IRAK1BP1: variants seen among roughly 807,000 people sequenced by gnomAD.
The protein encoded by IRAK1BP1 is interleukin 1 receptor associated kinase 1 binding protein 1.
A neutral mutation model predicts 28.0 loss-of-function variants in IRAK1BP1; 24 were observed. The ratio of observed to expected loss-of-function variants is 0.86; its 90% CI spans 0.62 to 1.20. The LOEUF is 1.20. Among genes scored for constraint, IRAK1BP1 ranks in the 50% most tolerant of loss-of-function variants. IRAK1BP1 has a pLI of 0.00. For synonymous variants in IRAK1BP1, 131 were observed against 116.3 expected (o/e 1.13, Z -0.81); for missense variants, 336 against 316.7 (o/e 1.06, Z -0.46).
chr6:78,897,723 A>G, intron 2 of IRAK1BP1, 106 bp from the exon 3 acceptor site: 1 of 861,430 alleles, frequency 1.2e-6, no homozygotes, highest in Non-Finnish European at 1.7e-6. Flanking sequence ...GTTACATACT[A>G]TAAAATGACC....
downstream of IRAK1BP1, among the ~76,000 whole-genome samples, chr6:78,949,043 G>A (rs948612118): frequency 6.6e-6 from 1 of 152,120 alleles, no homozygotes; most frequent in Non-Finnish European, 1.5e-5. Flanking sequence ...TGGTGAGAGT[G>A]AACATTTTTC....
chr6:78,878,262 C>T (rs1948326814), intron 1 of IRAK1BP1, among the ~76,000 whole-genome samples: 1 of 152,148 alleles, frequency 6.6e-6, no homozygotes. Flanking sequence ...CAACTGACAC[C>T]TCATACGTCT....
rs114991057 is a variant in IRAK1BP1 at position 78,888,323 on chromosome 6, G to A, written c.381+2880G>A. ...TGTTGTGCACTTAAAAATTTGTTAA[G>A]AGGGTAGATCTCATGTTGTGTTGTT... On this transcript the variant is annotated intron_variant, in intron 2 of 3. Coordinates refer to ENST00000369940, the MANE Select transcript of IRAK1BP1 (RefSeq NM_001010844.4). 4.1e-3 allele frequency among the ~76,000 whole-genome samples: 626 copies of A among 152,200 alleles called. 4 individuals carry two copies. The highest frequency in any genetic ancestry group is 0.041 in the Middle Eastern group (12 of 294).
chr6:78,954,522 C>CA, the IRAK1BP1 span, among the ~76,000 whole-genome samples: 5 of 149,406 alleles, frequency 3.3e-5, no homozygotes, highest in African/African-American at 7.4e-5. Flanking sequence ...GTAGGGAAGA[C>CA]AAAAAAAGAA....
At chr6:78,973,220 A>T in the IRAK1BP1 span, among the ~76,000 whole-genome samples, 1 of 152,100 alleles carries the variant, frequency 6.6e-6, no homozygotes, top group Non-Finnish European at 1.5e-5. Flanking sequence ...GGGGGCCAAT[A>T]TTCAACATTC....
intron 1 of IRAK1BP1, among the ~76,000 whole-genome samples, chr6:78,882,035 A>G (rs1443870951): frequency 6.6e-6 from 1 of 152,160 alleles, no homozygotes; most frequent in Non-Finnish European, 1.5e-5. Flanking sequence ...GCATATATAT[A>G]TGTAACCTAG....
intron 4 of IRAK1BP1, among the ~76,000 whole-genome samples, chr6:78,944,810 A>G (rs1375923861): frequency 1.3e-5 from 2 of 152,192 alleles, no homozygotes; most frequent in Non-Finnish European, 2.9e-5. Context: ...GTCACATGGC[A>G]TATTTTATTA....
chr6:78,928,403 T>C (rs1772948245), intron 4 of IRAK1BP1, among the ~76,000 whole-genome samples: 1 of 152,096 alleles, frequency 6.6e-6, no homozygotes, highest in Non-Finnish European at 1.5e-5. Flanking sequence ...TCAGTTTTAA[T>C]AGTTTTTGTG....
chr6:78,942,075 G>A (rs566874173), intron 4 of IRAK1BP1, among the ~76,000 whole-genome samples: 1 of 152,294 alleles, frequency 6.6e-6, no homozygotes, highest in East Asian at 1.9e-4. Flanking sequence ...TATGGTAGGT[G>A]ATTTGCAATG....
At chr6:78,877,608 G>T (rs1029192026) in intron 1 of IRAK1BP1, among the ~76,000 whole-genome samples, 1 of 152,168 alleles carries the variant, frequency 6.6e-6, no homozygotes, top group Non-Finnish European at 1.5e-5. Flanking sequence ...CTGAGGTACT[G>T]GGTTCATCTC....
intron 4 of IRAK1BP1, among the ~76,000 whole-genome samples, chr6:78,927,845 C>T (rs947538873): frequency 2.0e-5 from 3 of 151,880 alleles, no homozygotes; most frequent in Admixed American, 6.6e-5. Context: ...GTTCACTGTA[C>T]GTGTGTGGAT....
chr6:78,978,567 G>A, the IRAK1BP1 span: 21 of 1,545,056 alleles, frequency 1.4e-5, no homozygotes, highest in Non-Finnish European at 1.6e-5. Context: ...GAGGAAAAAT[G>A]GATAATTTAA....
chr6:78,896,681 T>A (rs1345421854), intron 2 of IRAK1BP1, among the ~76,000 whole-genome samples: 3 of 151,904 alleles, frequency 2.0e-5, no homozygotes, highest in Non-Finnish European at 4.4e-5. Flanking sequence ...TATAATTCAC[T>A]AGGCATGGTG....
At chr6:78,879,936 T>C (rs781539469) in intron 1 of IRAK1BP1, among the ~76,000 whole-genome samples, 1 of 152,090 alleles carries the variant, frequency 6.6e-6, no homozygotes, top group Non-Finnish European at 1.5e-5. Flanking sequence ...AAAGTACATA[T>C]TGAGTCTGAA....
chr6:78,935,386 A>G, intron 4 of IRAK1BP1: 1 of 426,144 alleles, frequency 2.3e-6, no homozygotes, highest in Non-Finnish European at 3.1e-6. Context: ...CTTAGTCAAT[A>G]AAAATGCATG....
At chr6:78,922,227 A>G (rs1772755073) in intron 4 of IRAK1BP1, among the ~76,000 whole-genome samples, 1 of 152,222 alleles carries the variant, frequency 6.6e-6, no homozygotes, top group Non-Finnish European at 1.5e-5. Flanking sequence ...AGAAGTCCTT[A>G]AAGGACCTGA....
the IRAK1BP1 span, among the ~76,000 whole-genome samples, chr6:78,971,571 G>A: frequency 2.0e-5 from 3 of 152,194 alleles, no homozygotes; most frequent in Non-Finnish European, 4.4e-5. Context: ...CTCCCAGCCT[G>A]AACGATGCAG....
At chr6:78,918,428 G>C (rs1772620335) in intron 4 of IRAK1BP1, among the ~76,000 whole-genome samples, 1 of 151,860 alleles carries the variant, frequency 6.6e-6, no homozygotes, top group African/African-American at 2.4e-5. Flanking sequence ...AGACCTATCT[G>C]TCTGCTGTCT....
chr6:78,928,965 AGTTTTCTT>A (rs1772968546), intron 4 of IRAK1BP1, among the ~76,000 whole-genome samples: 1 of 152,070 alleles, frequency 6.6e-6, no homozygotes, highest in South Asian at 2.1e-4. Flanking sequence ...ATTGACCTGC[AGTTTTCTT>A]GTTTTTGATG....
Sources: allele counts gnomAD v4.1 joint callset (sites outside exome capture counted in the v4.1 genomes callset), GRCh38; gene constraint gnomAD v4.1.1; transcripts MANE v1.5; gene names NCBI Gene and HGNC (gene_info 2026-07-23, HGNC 2026-07-21).